QSER1: variants seen among roughly 807,000 people sequenced by gnomAD.
The protein encoded by QSER1 is glutamine and serine rich 1, also known as glutamine and serine-rich protein 1.
In QSER1, 49 loss-of-function variants were observed where a neutral mutation model predicts 158.5. The observed-to-expected ratio is 0.31, with a 90% confidence interval of 0.25 to 0.39. The LOEUF is 0.39. Ranked by LOEUF, QSER1 falls within the 10% of genes least tolerant of loss-of-function variation. The pLI is 1.00. For missense variants in QSER1, 1,754 were observed against 2,010.3 expected (o/e 0.87, Z 2.44); for synonymous variants, 650 against 715.5 (o/e 0.91, Z 1.46).
chr11:32,920,348 A>G (rs941218219), intron 1 of QSER1, among the ~76,000 whole-genome samples: 2 of 152,190 alleles, frequency 1.3e-5, no homozygotes, highest in East Asian at 1.9e-4. Flanking sequence ...CTGGACTCCT[A>G]CCTCACACCA....
At position 32,977,871 on chromosome 11, in the gene QSER1, T is replaced by A. The variant is rs1313873225; in HGVS notation, c.*1397T>A. 6.6e-6 allele frequency: 1 copy of A among 152,610 alleles called. No homozygotes were observed. The highest frequency in any genetic ancestry group is 1.5e-5 in the Non-Finnish European group (1 of 68,018). 9.5% of individuals were successfully genotyped at this position (152,610 alleles called of 1,614,324 possible). A position where few individuals can be genotyped will look rare whatever the true frequency, so the allele number is the denominator to read the frequency against. ...TTTTACCACCATTTAGTGCCTTAAA[T>A]CCTATCAAGAAAGCAGTGTTACTGC... On this transcript the variant is annotated 3_prime_UTR_variant, in exon 13 of 13. Coordinates refer to ENST00000650167, the MANE Select transcript of QSER1 (RefSeq NM_001076786.3).
chr11:32,921,741 T>C (rs1352209445), intron 1 of QSER1, among the ~76,000 whole-genome samples: 1 of 152,222 alleles, frequency 6.6e-6, no homozygotes, highest in Non-Finnish European at 1.5e-5. Context: ...TTTTTTGTTG[T>C]CATAGAAATT....
intron 1 of QSER1, among the ~76,000 whole-genome samples, chr11:32,925,462 T>C (rs1851955153): frequency 6.6e-6 from 1 of 152,080 alleles, no homozygotes; most frequent in African/African-American, 2.4e-5. Context: ...TTGACAAAGA[T>C]GCAAAACTAC....
At chr11:32,917,601 G>A (rs1420368323) in intron 1 of QSER1, among the ~76,000 whole-genome samples, 3 of 151,912 alleles carry the variant, frequency 2.0e-5, no homozygotes, top group Non-Finnish European at 2.9e-5. Flanking sequence ...CGAGGTGGGC[G>A]GATCACTTGA....
intron 1 of QSER1, among the ~76,000 whole-genome samples, chr11:32,907,926 C>T (rs1269767965): frequency 6.6e-6 from 1 of 152,080 alleles, no homozygotes; most frequent in East Asian, 1.9e-4. Context: ...ATAGGGAGAC[C>T]CTCGTCTCTA....
chr11:32,955,434 A>G, intron 6 of QSER1, 22 bp downstream of exon 6: 1 of 1,174,196 alleles, frequency 8.5e-7, no homozygotes, highest in African/African-American at 1.6e-5. Flanking sequence ...GCATGTTTAC[A>G]TTAGCCTTAT....
chr11:32,909,598 C>T (rs1172105896), intron 1 of QSER1, among the ~76,000 whole-genome samples: 1 of 152,048 alleles, frequency 6.6e-6, no homozygotes, highest in Admixed American at 6.6e-5. Context: ...CACCACCATG[C>T]CTGGCCAGTT....
At chr11:32,951,291 G>A (rs1292832004) in intron 4 of QSER1, among the ~76,000 whole-genome samples, 1 of 152,062 alleles carries the variant, frequency 6.6e-6, no homozygotes, top group South Asian at 2.1e-4. Flanking sequence ...CCATTGATTT[G>A]TATCTATGTC....
chr11:32,974,055 A>G (rs1376817478), intron 11 of QSER1, among the ~76,000 whole-genome samples: 1 of 152,226 alleles, frequency 6.6e-6, no homozygotes, highest in East Asian at 1.9e-4. Flanking sequence ...GAATTTGTTC[A>G]TCTTCAAACA....
chr11:32,908,548 A>G (rs1336007544), intron 1 of QSER1, among the ~76,000 whole-genome samples: 1 of 152,234 alleles, frequency 6.6e-6, no homozygotes, highest in Admixed American at 6.5e-5. Context: ...TCTTCTGTTT[A>G]ACCAACTTGA....
rs777393649 is a variant in QSER1, at chr11:32,932,044, A to G, written c.786A>G (p.Thr262=). ...ACAGCATACCACCTCAGTCTTCAAC[A>G]TACCGCTCAGCTCAAGAGTCTGCAC... The part of the protein sequence containing the change: ...LSNSIPPQSS[T]YRSAQESAPH... Residue 262 remains threonine, a synonymous_variant, in exon 4 of 13, where the codon ACA becomes ACG. Coordinates refer to ENST00000650167, the MANE Select transcript of QSER1 (RefSeq NM_001076786.3). The G allele has an allele frequency of 6.2e-7, 1 of 1,614,224 alleles. No homozygotes were observed. The highest frequency in any genetic ancestry group is 1.1e-5 in the South Asian group (1 of 91,086).
At chr11:32,931,704 C>A in intron 3 of QSER1, 39 bp from the exon 4 acceptor site, 3 of 1,430,998 alleles carry the variant, frequency 2.1e-6, no homozygotes, top group Non-Finnish European at 2.9e-6. Context: ...AGTAATTGTG[C>A]CATAATTACA....
chr11:32,897,538 G>A (rs1226906054), intron 1 of QSER1, among the ~76,000 whole-genome samples: 1 of 152,108 alleles, frequency 6.6e-6, no homozygotes, highest in Non-Finnish European at 1.5e-5. Flanking sequence ...CTGGCCCAAC[G>A]CTTTTTCCTG....
At chr11:32,965,003 GGT>G (rs1199165912) in intron 8 of QSER1, among the ~76,000 whole-genome samples, 1 of 151,750 alleles carries the variant, frequency 6.6e-6, no homozygotes, top group Non-Finnish European at 1.5e-5. Flanking sequence ...TGGGACTACA[GGT>G]GTGCACCACT....
intron 1 of QSER1, among the ~76,000 whole-genome samples, chr11:32,915,844 A>T (rs1216110824): frequency 6.6e-6 from 1 of 152,210 alleles, no homozygotes; most frequent in Admixed American, 6.5e-5. Flanking sequence ...CTTATCTAGA[A>T]ACCACCTTCT....
intron 1 of QSER1, among the ~76,000 whole-genome samples, chr11:32,909,895 CTA>C (rs1216464828): frequency 1.3e-5 from 2 of 152,080 alleles, no homozygotes; most frequent in Non-Finnish European, 2.9e-5. Flanking sequence ...AGTTCGGAAA[CTA>C]AGGGAAGTTG....
Position 32,934,946 on chromosome 11 carries a change from C to A in QSER1, c.3688C>A (p.Arg1230Ser), listed in dbSNP as rs62618693. ...GCTGAAAAGACCTGCCCAAGGCAAA[C>A]GCCAGAATCCAAGGGGAACAGATAT... ...KQLKRPAQGK[R>S]QNPRGTDIYL... The change falls in exon 4 of 13, where the codon CGC (arginine) becomes AGC (serine). Residue 1230 changes from arginine (R) to serine (S), a missense_variant. By Grantham distance (110) the Arg-to-Ser change is moderately radical. Transcript: ENST00000650167. The A allele has an allele frequency of 1.2e-5, 20 of 1,613,982 alleles. No individual in the cohort carries two copies. Among genetic ancestry groups the A allele is most frequent in the Non-Finnish European group, 1.6e-5 (19 of 1,179,978 alleles).
intron 1 of QSER1, among the ~76,000 whole-genome samples, chr11:32,917,138 C>G (rs1374767882): frequency 1.3e-5 from 2 of 152,204 alleles, no homozygotes; most frequent in Non-Finnish European, 2.9e-5. Flanking sequence ...TGGCTTCTTT[C>G]ATTTAGCATA....
chr11:32,966,446 T>C lies in QSER1; in HGVS notation c.5107+9T>C, dbSNP rs764054139. On this transcript the variant is annotated intron_variant, in intron 9 of 12. Transcript: ENST00000650167. ...CTTAGAGAAGAGCAATGGTACAGTC[T>C]TCTAAGTAGTACTTCCTTGGTAGTA... The C allele has an allele frequency of 1.0e-5, 16 of 1,603,448 alleles. No homozygotes were observed. In the Admixed American group the frequency reaches 1.1e-4, roughly 11 times the overall value.
Sources: allele counts gnomAD v4.1 joint callset (sites outside exome capture counted in the v4.1 genomes callset), GRCh38; gene constraint gnomAD v4.1.1; transcripts MANE v1.5; gene names NCBI Gene and HGNC (gene_info 2026-07-23, HGNC 2026-07-21).